Variants in PIK3C2A observed in about 807,000 individuals in gnomAD.
PIK3C2A encodes the protein phosphatidylinositol-4-phosphate 3-kinase catalytic subunit type 2 alpha, also known as phosphatidylinositol 4-phosphate 3-kinase C2 domain-containing subunit alpha.
In PIK3C2A, 97 loss-of-function variants were observed where a neutral mutation model predicts 204.5. The ratio of observed to expected loss-of-function variants is 0.47; its 90% confidence interval spans 0.40 to 0.56. PIK3C2A has a LOEUF of 0.56. PIK3C2A is among the 20% of genes least tolerant of loss of function. The pLI is 0.00. For missense variants in PIK3C2A, 1,735 were observed against 1,969.2 expected (o/e 0.88, Z 2.25); for synonymous variants, 653 against 664.4 (o/e 0.98, Z 0.26).
intron 1 of PIK3C2A, among the ~76,000 whole-genome samples, chr11:17,205,889 G>A (rs1224168472): frequency 2.6e-5 from 4 of 152,230 alleles, no homozygotes; most frequent in Admixed American, 2.6e-4. Flanking sequence ...GGGAGGCCAA[G>A]ACGGGCAGAT....
At chr11:17,164,595 CTGAT>C (rs1850888299) in intron 2 of PIK3C2A, among the ~76,000 whole-genome samples, 3 of 152,204 alleles carry the variant, frequency 2.0e-5, no homozygotes, top group Non-Finnish European at 4.4e-5. Context: ...GCTCCACTCT[CTGAT>C]TGATCCCCTG....
chr11:17,195,674 C>T (rs1159570610), intron 1 of PIK3C2A, among the ~76,000 whole-genome samples: 11 of 151,162 alleles, frequency 7.3e-5, no homozygotes, highest in Middle Eastern at 3.4e-3. Flanking sequence ...ACCCAGGAGG[C>T]GGAGGTTGCA....
Position 17,091,542 on chromosome 11 carries a change from C to G in PIK3C2A, c.4752+5G>C, listed in dbSNP as rs760645309. ...CTACAACCATCATTCTTTGTAATCA[C>G]TCACAAGATCTTTGATATGCATCAC... On this transcript the variant is annotated splice_donor_5th_base_variant and intron_variant, in intron 31 of 32. Transcript: ENST00000691414. 3 of 1,608,494 alleles carry G rather than the reference C, an allele frequency of 1.9e-6. No homozygotes were observed.
chr11:17,098,361 G>C (rs1848514336), intron 26 of PIK3C2A, among the ~76,000 whole-genome samples: 1 of 152,166 alleles, frequency 6.6e-6, no homozygotes, highest in South Asian at 2.1e-4. Flanking sequence ...AGATGAGAGA[G>C]CTAGTTCTCC....
intron 1 of PIK3C2A, among the ~76,000 whole-genome samples, chr11:17,201,668 C>G (rs760716297): frequency 2.0e-5 from 3 of 152,030 alleles, no homozygotes; most frequent in Non-Finnish European, 4.4e-5. Flanking sequence ...TCATCATCTT[C>G]TTCTTCCTAT....
intron 8 of PIK3C2A, among the ~76,000 whole-genome samples, 161 bp downstream of exon 8, chr11:17,145,507 T>G (rs1850209272): frequency 6.6e-6 from 1 of 152,202 alleles, no homozygotes; most frequent in Non-Finnish European, 1.5e-5. Flanking sequence ...CCAGTCATGT[T>G]GAACTGTAAG....
chr11:17,187,649 A>G (rs1250296778), intron 1 of PIK3C2A, among the ~76,000 whole-genome samples: 2 of 152,180 alleles, frequency 1.3e-5, no homozygotes, highest in African/African-American at 4.8e-5. Context: ...TAACAAGGGT[A>G]TATTATGCTT....
chr11:17,165,904 T>A (rs1850932992), intron 2 of PIK3C2A, among the ~76,000 whole-genome samples: 1 of 150,914 alleles, frequency 6.6e-6, no homozygotes, highest in Non-Finnish European at 1.5e-5. Context: ...CTTGTTATCA[T>A]GAAAATTTTC....
At chr11:17,203,544 T>C (rs1362841162) in intron 1 of PIK3C2A, among the ~76,000 whole-genome samples, 2 of 152,148 alleles carry the variant, frequency 1.3e-5, no homozygotes, top group South Asian at 2.1e-4. Flanking sequence ...ATAATTCTCA[T>C]CAAAAGAACA....
intron 22 of PIK3C2A, among the ~76,000 whole-genome samples, chr11:17,107,237 C>A (rs1378663939): frequency 6.6e-6 from 1 of 152,126 alleles, no homozygotes; most frequent in Admixed American, 6.5e-5. Context: ...GGCATGAACC[C>A]AGGAGGCGGA....
intron 9 of PIK3C2A, among the ~76,000 whole-genome samples, chr11:17,136,070 T>C (rs1156436388): frequency 6.6e-6 from 1 of 152,212 alleles, no homozygotes; most frequent in East Asian, 1.9e-4. Context: ...CTTGGTCTTT[T>C]CTACAGGAAG....
At chr11:17,116,791 A>G (rs886322453) in intron 19 of PIK3C2A, among the ~76,000 whole-genome samples, 6 of 152,160 alleles carry the variant, frequency 3.9e-5, no homozygotes, top group African/African-American at 1.4e-4. Context: ...GGGTTTCACC[A>G]TGTTAACCAG....
At chr11:17,180,216 A>AAT (rs1211972590) in intron 1 of PIK3C2A, among the ~76,000 whole-genome samples, 2 of 151,998 alleles carry the variant, frequency 1.3e-5, no homozygotes, top group African/African-American at 4.8e-5. Context: ...CTATGAAAAC[A>AAT]ATATATATAT....
chr11:17,195,834 T>C (rs565158353), intron 1 of PIK3C2A, among the ~76,000 whole-genome samples: 8 of 151,760 alleles, frequency 5.3e-5, no homozygotes, highest in Admixed American at 4.6e-4. Flanking sequence ...GGTCAGGGGT[T>C]TGAGACCATC....
intron 15 of PIK3C2A, 50 bp from the exon 16 acceptor site, chr11:17,120,024 T>C: frequency 1.3e-6 from 1 of 747,982 alleles, no homozygotes; most frequent in Non-Finnish European, 2.1e-6. Flanking sequence ...CATAATGATA[T>C]AATCTCAATG....
intron 21 of PIK3C2A, among the ~76,000 whole-genome samples, chr11:17,111,488 C>T (rs12365814): frequency 1.3e-5 from 2 of 152,030 alleles, no homozygotes; most frequent in African/African-American, 4.8e-5. Flanking sequence ...TTTCTTTAAA[C>T]TGGATAAAAT....
intron 1 of PIK3C2A, among the ~76,000 whole-genome samples, 170 bp from the exon 2 acceptor site, chr11:17,169,976 A>T (rs1248525584): frequency 6.6e-6 from 1 of 152,226 alleles, no homozygotes; most frequent in Non-Finnish European, 1.5e-5. Context: ...AACACCTTAT[A>T]CACTGTTGGG....
At position 17,129,440 on chromosome 11, in the gene PIK3C2A, T is replaced by C. The variant is rs140281300; in HGVS notation, c.2259A>G (p.Gln753=). The change falls in exon 13 of 33, where the codon CAA becomes CAG. Residue 753 remains glutamine (Q), a synonymous_variant. Coordinates refer to ENST00000691414, the MANE Select transcript of PIK3C2A (RefSeq NM_002645.4). ...ELIIFPIQIS[Q]LPLESVLHLT... ...GGTGAAGAACTGATTCTAATGGCAA[T>C]TGTGATATCTGGATAGGAAAAATGA... 1.6e-4 allele frequency: 258 copies of C among 1,607,524 alleles called. 2 individuals carry two copies. In the African/African-American group the frequency reaches 3.2e-3, roughly 20 times the overall value.
chr11:17,205,358 C>T (rs1852529767), intron 1 of PIK3C2A, among the ~76,000 whole-genome samples: 1 of 151,408 alleles, frequency 6.6e-6, no homozygotes, highest in Admixed American at 6.6e-5. Flanking sequence ...CCTGTAGTCC[C>T]AGCTCCTCGG....
Sources: gnomAD v4.1 joint callset for allele counts (sites outside exome capture counted in the v4.1 genomes callset) on GRCh38, gnomAD v4.1.1 for gene constraint, MANE v1.5 for transcripts, NCBI Gene and HGNC (gene_info 2026-07-23, HGNC 2026-07-21) for gene names.